ME3: variants seen among roughly 807,000 people sequenced by gnomAD.
The protein encoded by ME3 is NADP-dependent malic enzyme, mitochondrial.
Under a neutral mutation model 68.9 loss-of-function variants are expected in ME3, and 48 were observed. That is an observed-to-expected ratio of 0.70 (90% CI 0.55 to 0.89). The LOEUF (loss-of-function observed/expected upper bound fraction) is 0.89, where lower values mean the gene tolerates loss of function less well. Ranked by LOEUF, ME3 falls within the 40% of genes least tolerant of loss-of-function variation. The pLI, the probability that ME3 is intolerant of heterozygous loss-of-function variation, is 0.00. For synonymous variants in ME3, 320 were observed against 318.8 expected (o/e 1.00, Z -0.04); for missense variants, 675 against 797.4 (o/e 0.85, Z 1.85).
intron 4 of ME3, among the ~76,000 whole-genome samples, chr11:86,552,333 G>A (rs913129040): frequency 2.0e-5 from 3 of 152,178 alleles, no homozygotes; most frequent in Non-Finnish European, 4.4e-5. Flanking sequence ...CTCTGACAAA[G>A]ACGCTCCTTT....
At position 86,525,900 on chromosome 11, in the gene ME3, G is replaced by T. The variant is rs1415941861; in HGVS notation, c.468-17033C>A. On this transcript the variant is annotated intron_variant, in intron 4 of 14. Coordinates refer to ENST00000543262, the Ensembl canonical transcript of ME3. ...AAAAAGGAGAGGGTGGAGCCAAGAG[G>T]GCCTAATAGGAACTGCTCCAGTCTA... Among the ~76,000 whole-genome samples, 4 of 151,772 alleles carry T rather than the reference G, an allele frequency of 2.6e-5. No individual in the cohort carries two copies. The South Asian group carries it at 8.3e-4, about 32-fold the overall frequency.
At chr11:86,589,262 T>C (rs1958915486) in intron 2 of ME3, among the ~76,000 whole-genome samples, 1 of 152,168 alleles carries the variant, frequency 6.6e-6, no homozygotes, top group Non-Finnish European at 1.5e-5. Context: ...AACTCTTAGG[T>C]TTCCTCAGGG....
intron 7 of ME3, among the ~76,000 whole-genome samples, chr11:86,476,420 G>C (rs1368736372): frequency 6.6e-6 from 1 of 152,206 alleles, no homozygotes; most frequent in Non-Finnish European, 1.5e-5. Context: ...TCTATATGTG[G>C]AGCCTCTGAA....
At chr11:86,476,692 C>T (rs942836993) in intron 7 of ME3, among the ~76,000 whole-genome samples, 6 of 152,204 alleles carry the variant, frequency 3.9e-5, no homozygotes, top group Non-Finnish European at 7.3e-5. Context: ...ATCTACACAA[C>T]ACCGTCCACT....
chr11:86,560,165 C>G (rs1364605394), intron 2 of ME3, among the ~76,000 whole-genome samples: 1 of 152,142 alleles, frequency 6.6e-6, no homozygotes, highest in African/African-American at 2.4e-5. Context: ...TAATCCAAAT[C>G]CATAGTCCCC....
chr11:86,651,579 C>A (rs1473431846), intron 2 of ME3, among the ~76,000 whole-genome samples: 1 of 152,160 alleles, frequency 6.6e-6, no homozygotes, highest in African/African-American at 2.4e-5. Flanking sequence ...ACATCCACAC[C>A]AAAACTCCAT....
intron 2 of ME3, among the ~76,000 whole-genome samples, chr11:86,590,229 A>G (rs926558317): frequency 2.6e-5 from 4 of 152,172 alleles, no homozygotes; most frequent in African/African-American, 9.7e-5. Flanking sequence ...TCATCTATCT[A>G]CTTACGTTGC....
At chr11:86,533,643 C>A (rs1400788973) in intron 4 of ME3, among the ~76,000 whole-genome samples, 1 of 152,120 alleles carries the variant, frequency 6.6e-6, no homozygotes, top group Non-Finnish European at 1.5e-5. Flanking sequence ...ATTTACAAGG[C>A]CAGCATTACT....
chr11:86,435,304 T>A, the ME3 span: 6 of 152,184 alleles, frequency 3.9e-5, no homozygotes, highest in Non-Finnish European at 7.3e-5. Context: ...AGCCTAAAAC[T>A]TTGCCTGCAA....
At chr11:86,587,868 G>A (rs187499675) in intron 2 of ME3, among the ~76,000 whole-genome samples, 2 of 152,170 alleles carry the variant, frequency 1.3e-5, no homozygotes, top group South Asian at 2.1e-4. Context: ...CCAAAAATGA[G>A]TGCCTTCTGG....
intron 2 of ME3, among the ~76,000 whole-genome samples, chr11:86,645,690 T>C (rs1304455020): frequency 2.0e-5 from 3 of 152,170 alleles, no homozygotes; most frequent in Non-Finnish European, 4.4e-5. Context: ...AGCACAGCAA[T>C]CGAGCTCTGC....
At chr11:86,458,533 C>T (rs921445566) in intron 8 of ME3, among the ~76,000 whole-genome samples, 2 of 151,894 alleles carry the variant, frequency 1.3e-5, no homozygotes, top group Non-Finnish European at 2.9e-5. Context: ...GGGGAGATCT[C>T]GGAGGAGCCA....
At chr11:86,521,428 C>T (rs59068354) in intron 4 of ME3, among the ~76,000 whole-genome samples, 10,233 of 128,104 alleles carry the variant, frequency 0.08, 519 homozygotes, top group East Asian at 0.24. Flanking sequence ...CAAAACAAAA[C>T]AAAAATAATA....
intron 2 of ME3, among the ~76,000 whole-genome samples, chr11:86,634,047 C>T (rs1944180417): frequency 6.6e-6 from 1 of 152,166 alleles, no homozygotes; most frequent in Non-Finnish European, 1.5e-5. Context: ...AATTGAGTCC[C>T]CAAATCCCTC....
chr11:86,537,923 C>A (rs977578992), intron 4 of ME3, among the ~76,000 whole-genome samples: 1 of 152,214 alleles, frequency 6.6e-6, no homozygotes, highest in Non-Finnish European at 1.5e-5. Flanking sequence ...TGTGTACTTA[C>A]AAGGCTCTGC....
intron 4 of ME3, among the ~76,000 whole-genome samples, chr11:86,521,033 CTTAT>C (rs1954236800): frequency 6.6e-6 from 1 of 152,200 alleles, no homozygotes; most frequent in Non-Finnish European, 1.5e-5. Flanking sequence ...AAATCCAACC[CTTAT>C]TTATTGTGCA....
intron 5 of ME3, among the ~76,000 whole-genome samples, chr11:86,503,392 C>T (rs1331138757): frequency 6.6e-6 from 1 of 152,216 alleles, no homozygotes; most frequent in African/African-American, 2.4e-5. Context: ...TTGCCCAAAG[C>T]CACACCTCCT....
chr11:86,475,960 G>A (rs1476516005), intron 7 of ME3, among the ~76,000 whole-genome samples: 2 of 151,810 alleles, frequency 1.3e-5, no homozygotes, highest in Non-Finnish European at 2.9e-5. Flanking sequence ...CTCAGAATGT[G>A]AACACCCCTG....
intron 2 of ME3, among the ~76,000 whole-genome samples, chr11:86,596,281 A>C (rs188326970): frequency 2.0e-4 from 31 of 152,320 alleles, no homozygotes; most frequent in African/African-American, 7.5e-4. Context: ...AGCTAATTTG[A>C]GAACATACTG....
Sources: allele counts gnomAD v4.1 joint callset (sites outside exome capture counted in the v4.1 genomes callset), GRCh38; gene constraint gnomAD v4.1.1; transcripts MANE v1.5; gene names NCBI Gene and HGNC (gene_info 2026-07-23, HGNC 2026-07-21).